Variants in TFAP2B observed in about 807,000 individuals in gnomAD.
TFAP2B encodes transcription factor AP-2 beta, also known as transcription factor AP-2-beta.
In TFAP2B, 9 loss-of-function variants were observed where a neutral mutation model predicts 44.3. That is an observed-to-expected ratio of 0.20 (90% CI 0.12 to 0.35). The LOEUF (loss-of-function observed/expected upper bound fraction) is 0.35, where lower values mean the gene tolerates loss of function less well. TFAP2B is among the 10% of genes least tolerant of loss of function. The pLI, the probability that TFAP2B is intolerant of heterozygous loss-of-function variation, is 1.00. For synonymous variants in TFAP2B, 270 were observed against 263.8 expected, an observed-to-expected ratio of 1.02 and a Z score of -0.23; for missense variants, 509 against 600.0, an observed-to-expected ratio of 0.85 and a Z score of 1.59.
Position 50,844,784 on chromosome 6 carries a change from CGAGTG to C in TFAP2B, c.*1395_*1399del, listed in dbSNP as rs1561968725. 2 of 152,228 alleles carry C rather than the reference CGAGTG, an allele frequency of 1.3e-5. No homozygotes were observed. The highest frequency in any genetic ancestry group is 2.9e-5 in the Non-Finnish European group (2 of 68,034). 9.4% of individuals were successfully genotyped at this position (152,228 alleles called of 1,614,324 possible). A position where few individuals can be genotyped will look rare whatever the true frequency, so the allele number is the denominator to read the frequency against. On this transcript the variant is annotated 3_prime_UTR_variant, in exon 7 of 7. Transcript: ENST00000393655. ...TTAAGCAAGGAAAGAAGCAGCTTTA[CGAGTG>C]GACGTGGGGAGGAGGGCGGCACAAG... is the stretch of plus-strand genomic sequence containing the variant.
chr6:50,841,212 C>T (rs964408161), intron 6 of TFAP2B, among the ~76,000 whole-genome samples: 2 of 152,220 alleles, frequency 1.3e-5, no homozygotes, highest in Admixed American at 1.3e-4. Flanking sequence ...ATGTTTGACT[C>T]TAAGCATTTG....
rs777036925 is a variant in TFAP2B at position 50,819,753 on chromosome 6, C to A, written c.81+781C>A. Among the ~76,000 whole-genome samples, 3 of 152,314 alleles carry A rather than the reference C, an allele frequency of 2.0e-5. No individual in the cohort carries two copies. The East Asian group carries it at 5.8e-4, about 30-fold the overall frequency. ...GGGGCCCGGACCGCGCTCGCCAAAG[C>A]CCTTTTCCGGCTCGGGCGAGGGCTG... On this transcript the variant is annotated intron_variant, in intron 1 of 6. Transcript: ENST00000393655.
intron 2 of TFAP2B, among the ~76,000 whole-genome samples, chr6:50,827,893 A>G (rs1281744742): frequency 8.5e-5 from 13 of 152,168 alleles, no homozygotes; most frequent in Admixed American, 8.5e-4. Flanking sequence ...ATTCCTTGCG[A>G]TTACCTAGGT....
At chr6:50,834,885 C>T (rs1458113122) in intron 3 of TFAP2B, among the ~76,000 whole-genome samples, 1 of 152,158 alleles carries the variant, frequency 6.6e-6, no homozygotes, top group African/African-American at 2.4e-5. Flanking sequence ...AGCAAAGTTA[C>T]AGGGAAAGTC....
intron 4 of TFAP2B, 135 bp from the exon 5 acceptor site, chr6:50,837,840 A>G (rs552899417): frequency 1.3e-6 from 1 of 795,044 alleles, no homozygotes; most frequent in South Asian, 1.4e-5. Context: ...GCAAATAACC[A>G]AAAGGAAGGG....
At chr6:50,837,787 T>A (rs953528176) in intron 4 of TFAP2B, among the ~76,000 whole-genome samples, 188 bp from the exon 5 acceptor site, 1 of 152,032 alleles carries the variant, frequency 6.6e-6, no homozygotes, top group Non-Finnish European at 1.5e-5. Flanking sequence ...TTAAAAAAAA[T>A]TCTCTGTATT....
chr6:50,843,003 G>GTCT (rs1762763130), intron 6 of TFAP2B, 89 bp from the exon 7 acceptor site: 1 of 1,550,010 alleles, frequency 6.5e-7, no homozygotes, highest in Non-Finnish European at 8.9e-7. Flanking sequence ...GTGACCCGGC[G>GTCT]CCTCTGGGCT....
At chr6:50,840,950 C>G (rs1762714724) in intron 6 of TFAP2B, among the ~76,000 whole-genome samples, 1 of 152,214 alleles carries the variant, frequency 6.6e-6, no homozygotes, top group Non-Finnish European at 1.5e-5. Context: ...TGCGTGCGCC[C>G]GCACGTTTCT....
intron 3 of TFAP2B, among the ~76,000 whole-genome samples, chr6:50,831,859 A>C (rs2113943301): frequency 6.6e-6 from 1 of 152,268 alleles, no homozygotes; most frequent in South Asian, 2.1e-4. Flanking sequence ...CTGGAATCCA[A>C]GGTTCAAATG....
chr6:50,829,201 T>C (rs1219545199), intron 3 of TFAP2B, among the ~76,000 whole-genome samples: 1 of 152,138 alleles, frequency 6.6e-6, no homozygotes, highest in African/African-American at 2.4e-5. Flanking sequence ...ATGCGCATCC[T>C]GAGAAGCTGA....
intron 1 of TFAP2B, 24 bp downstream of exon 1, chr6:50,818,996 C>A (rs757855620): frequency 6.2e-7 from 1 of 1,602,094 alleles, no homozygotes; most frequent in South Asian, 1.1e-5. Context: ...CCCAGATGCA[C>A]CTTAGAGCTT....
intron 1 of TFAP2B, 92 bp from the exon 2 acceptor site, chr6:50,823,315 T>C: frequency 8.8e-7 from 1 of 1,142,394 alleles, no homozygotes; most frequent in East Asian, 2.6e-5. Flanking sequence ...ATTTTTTTTC[T>C]TCCTCTCTGT....
In TFAP2B at chr6:50,829,109, A is replaced by G. The variant is rs2857499; in HGVS notation, c.601+430A>G. Among the ~76,000 whole-genome samples the G allele has an allele frequency of 7.9e-3, 1,203 of 152,220 alleles. 8 individuals are homozygous for G. The highest frequency in any genetic ancestry group is 0.013 in the Non-Finnish European group (892 of 68,012). Reference sequence around the variant, plus strand: ...CGTTTTGTATTTGATTTTTTTGGTGATAATTTTGTTCCCAGTTCTCTATGT... The same window carrying G: ...CGTTTTGTATTTGATTTTTTTGGTGGTAATTTTGTTCCCAGTTCTCTATGT... On this transcript the variant is annotated intron_variant, in intron 3 of 6. Transcript: ENST00000393655.
intron 5 of TFAP2B, among the ~76,000 whole-genome samples, chr6:50,839,061 T>C (rs1432800855): frequency 6.6e-6 from 1 of 152,168 alleles, no homozygotes; most frequent in African/African-American, 2.4e-5. Flanking sequence ...CTGAACACCC[T>C]CCAGAGGCAG....
chr6:50,842,973 C>T, intron 6 of TFAP2B, 119 bp from the exon 7 acceptor site: 1 of 1,347,020 alleles, frequency 7.4e-7, no homozygotes, highest in East Asian at 2.3e-5. Context: ...CGGAATCGCC[C>T]ACATTAGCCT....
rs192303398 is a variant in TFAP2B at position 50,821,319 on chromosome 6, G to C, written c.82-2088G>C. On this transcript the variant is annotated intron_variant, in intron 1 of 6. Coordinates refer to ENST00000393655, the MANE Select transcript of TFAP2B (RefSeq NM_003221.4). ...AAATGAGCATAATCTTCCACATTTA[G>C]CAAAAGTCTGCAAAAGTCACTGTAA... Among the ~76,000 whole-genome samples, 121 of 152,302 alleles carry C rather than the reference G, an allele frequency of 7.9e-4. 4 individuals are homozygous for C. The South Asian group carries it at 0.018, about 22-fold the overall frequency.
rs943365987 is a variant in TFAP2B at position 50,845,275 on chromosome 6, G to A, written c.*1883G>A. On this transcript the variant is annotated 3_prime_UTR_variant, in exon 7 of 7. Coordinates refer to ENST00000393655, the MANE Select transcript of TFAP2B (RefSeq NM_003221.4). ...TAGTTAGGACCCACTCAATTCTCCAGGACTCCCGGTTTTGCCCCCCTCCCG... is the reference window on the plus strand; with the variant it reads ...TAGTTAGGACCCACTCAATTCTCCAAGACTCCCGGTTTTGCCCCCCTCCCG... 2 of 152,246 alleles carry A rather than the reference G, an allele frequency of 1.3e-5. No individual in the cohort carries two copies. The highest frequency in any genetic ancestry group is 2.9e-5 in the Non-Finnish European group (2 of 68,102). 9.4% of individuals were successfully genotyped at this position (152,246 alleles called of 1,614,324 possible). A position where few individuals can be genotyped will look rare whatever the true frequency, so the allele number is the denominator to read the frequency against.
At chr6:50,840,935 G>C (rs1022123638) in intron 6 of TFAP2B, among the ~76,000 whole-genome samples, 2 of 152,354 alleles carry the variant, frequency 1.3e-5, no homozygotes, top group East Asian at 3.9e-4. Context: ...TGCAGTGGGC[G>C]GCGCTGCGTG....
At chr6:50,827,894 T>C (rs1448782563) in intron 2 of TFAP2B, among the ~76,000 whole-genome samples, 1 of 152,220 alleles carries the variant, frequency 6.6e-6, no homozygotes, top group African/African-American at 2.4e-5. Flanking sequence ...TTCCTTGCGA[T>C]TACCTAGGTG....
Sources: gnomAD v4.1 joint callset for allele counts (sites outside exome capture counted in the v4.1 genomes callset) on GRCh38, gnomAD v4.1.1 for gene constraint, MANE v1.5 for transcripts, NCBI Gene and HGNC (gene_info 2026-07-23, HGNC 2026-07-21) for gene names.